EEA1: variants seen among roughly 807,000 people sequenced by gnomAD.
EEA1 encodes the protein early endosome antigen 1, 162kD.
A neutral mutation model predicts 209.2 loss-of-function variants in EEA1; 111 were observed. The ratio of observed to expected loss-of-function variants is 0.53; its 90% CI spans 0.45 to 0.62. The LOEUF is 0.62. Among genes scored for constraint, EEA1 ranks in the 20% least tolerant of loss-of-function variants. EEA1 has a pLI of 0.00. For synonymous variants in EEA1, 536 were observed against 540.6 expected, an observed-to-expected ratio of 0.99 and a Z score of 0.12; for missense variants, 1,343 against 1,530.8, an observed-to-expected ratio of 0.88 and a Z score of 2.05.
intron 2 of EEA1, chr12:92,884,645 C>T: frequency 2.2e-6 from 3 of 1,334,956 alleles, no homozygotes; most frequent in Non-Finnish European, 3.2e-6. Flanking sequence ...ACCATGAAAC[C>T]AAGGTGGCTA....
intron 11 of EEA1, among the ~76,000 whole-genome samples, chr12:92,831,304 C>T (rs1876616808): frequency 6.6e-6 from 1 of 151,652 alleles, no homozygotes; most frequent in Admixed American, 6.6e-5. Flanking sequence ...AATTAGAACA[C>T]AGGTATTAAA....
intron 10 of EEA1, among the ~76,000 whole-genome samples, chr12:92,839,607 C>A (rs1207678990): frequency 1.3e-5 from 2 of 152,098 alleles, no homozygotes; most frequent in African/African-American, 4.8e-5. Flanking sequence ...CACAACTATT[C>A]TTGCTGAATT....
chr12:92,822,057 C>A (rs1876079140), intron 13 of EEA1, among the ~76,000 whole-genome samples: 1 of 150,834 alleles, frequency 6.6e-6, no homozygotes, highest in Non-Finnish European at 1.5e-5. Flanking sequence ...TGTATATATA[C>A]CCCACTCCAT....
chr12:92,899,328 A>C (rs936019345), intron 1 of EEA1, among the ~76,000 whole-genome samples: 1 of 152,238 alleles, frequency 6.6e-6, no homozygotes, highest in African/African-American at 2.4e-5. Context: ...ATCAAATCTC[A>C]CTTCAGCCTA....
intron 8 of EEA1, 81 bp from the exon 9 acceptor site, chr12:92,851,347 G>C (rs1877623796): frequency 3.1e-6 from 4 of 1,311,076 alleles, no homozygotes; most frequent in Middle Eastern, 1.9e-4. Flanking sequence ...TCACTACAAA[G>C]GAATCAAAAG....
chr12:92,836,410 C>T (rs1876932906), intron 10 of EEA1, among the ~76,000 whole-genome samples: 1 of 152,104 alleles, frequency 6.6e-6, no homozygotes, highest in African/African-American at 2.4e-5. Flanking sequence ...GACAATTTCC[C>T]TATATTACGC....
At chr12:92,909,048 G>A (rs1327395971) in intron 1 of EEA1, among the ~76,000 whole-genome samples, 1 of 152,168 alleles carries the variant, frequency 6.6e-6, no homozygotes, top group Non-Finnish European at 1.5e-5. Context: ...CCTGACTTGT[G>A]ATCTGCCTGC....
intron 1 of EEA1, among the ~76,000 whole-genome samples, chr12:92,914,362 G>C (rs28804395): frequency 6.9e-4 from 105 of 152,224 alleles, no homozygotes; most frequent in African/African-American, 2.5e-3. Context: ...TTTTATACCA[G>C]TACCATGTTT....
intron 18 of EEA1, among the ~76,000 whole-genome samples, chr12:92,803,781 C>G (rs922791419): frequency 6.6e-6 from 1 of 151,910 alleles, no homozygotes; most frequent in Non-Finnish European, 1.5e-5. Flanking sequence ...TTTAAAGGTC[C>G]AAATGGAAAA....
chr12:92,832,502 C>A lies in EEA1; in HGVS notation c.1254+10G>T. ...GGAGAATTACAATAAATAAAATTAA[C>A]AGCTCTTACTTGATTAATTTCACTT... On this transcript the variant is annotated intron_variant, in intron 11 of 28. Coordinates refer to ENST00000322349, the MANE Select transcript of EEA1 (RefSeq NM_003566.4). 6.3e-7 allele frequency: 1 copy of A among 1,581,474 alleles called. No individual in the cohort carries two copies.
rs773167179 is a variant in EEA1, at chr12:92,827,884, T to C, written c.1404+28A>G. 2.0e-5 allele frequency: 31 copies of C among 1,518,052 alleles called. No individual in the cohort carries two copies. The South Asian group carries it at 3.9e-4, about 19-fold the overall frequency. 94.0% of individuals were successfully genotyped at this position (1,518,052 alleles called of 1,614,324 possible). A position where few individuals can be genotyped will look rare whatever the true frequency, so the allele number is the denominator to read the frequency against. ...AATCATGTTAAAGATGCCTCAAGCCTATCAATAAATTGAAAATGCTAGCTT... is the reference window on the plus strand; with the variant it reads ...AATCATGTTAAAGATGCCTCAAGCCCATCAATAAATTGAAAATGCTAGCTT... On this transcript the variant is annotated intron_variant, in intron 12 of 28. Transcript: ENST00000322349.
chr12:92,859,404 T>C, intron 3 of EEA1: 6 of 616,842 alleles, frequency 9.7e-6, no homozygotes, highest in South Asian at 4.1e-5. Context: ...GTAGTCACTC[T>C]AGTCAATGAC....
intron 1 of EEA1, among the ~76,000 whole-genome samples, chr12:92,913,232 A>G (rs1393426066): frequency 6.6e-6 from 1 of 152,146 alleles, no homozygotes; most frequent in African/African-American, 2.4e-5. Context: ...AATTTTTTGT[A>G]ACAGCCATTC....
intron 1 of EEA1, among the ~76,000 whole-genome samples, chr12:92,898,403 C>T (rs899242341): frequency 3.9e-5 from 6 of 152,060 alleles, no homozygotes; most frequent in African/African-American, 1.4e-4. Context: ...ATGGCTCACG[C>T]CTGTAATCTC....
intron 1 of EEA1, among the ~76,000 whole-genome samples, chr12:92,921,865 T>G (rs1208469519): frequency 2.4e-5 from 1 of 41,410 alleles, no homozygotes; most frequent in Non-Finnish European, 5.1e-5. Context: ...AGACTCTGTC[T>G]CAAAAAAAAA....
intron 20 of EEA1, among the ~76,000 whole-genome samples, chr12:92,799,945 C>T (rs1463576631): frequency 6.6e-6 from 1 of 151,966 alleles, no homozygotes. Flanking sequence ...TTACACTGCA[C>T]AGGCCAGGTG....
At chr12:92,913,907 C>T (rs746138542) in intron 1 of EEA1, among the ~76,000 whole-genome samples, 28 of 152,068 alleles carry the variant, frequency 1.8e-4, no homozygotes, top group Non-Finnish European at 3.2e-4. Flanking sequence ...GTGATCCGCC[C>T]GCCTAGGCCT....
In EEA1 at chr12:92,826,237, T is replaced by C; in HGVS notation, c.1453A>G (p.Lys485Glu). 6.2e-7 allele frequency: 1 copy of C among 1,613,636 alleles called. No homozygotes were observed. The highest frequency in any genetic ancestry group is 1.1e-5 in the South Asian group (1 of 91,072). Residue 485 changes from lysine to glutamate, a missense_variant, in exon 13 of 29, where the codon AAA becomes GAA. Physicochemically the swap from Lys to Glu is moderately conservative, Grantham distance 56 (BLOSUM62 1). Transcript: ENST00000322349. Reference protein sequence around the residue: ...NSTELQHQLDKTKQQHQEQQA... With the variant: ...NSTELQHQLDETKQQHQEQQA... ...TGTTCTTGATGCTGTTGCTTTGTTTTATCTAATTGATGCTGCAATTCTGTA... is the reference window on the plus strand; with the variant it reads ...TGTTCTTGATGCTGTTGCTTTGTTTCATCTAATTGATGCTGCAATTCTGTA...
chr12:92,831,570 T>A (rs1439883287), intron 11 of EEA1, among the ~76,000 whole-genome samples: 1 of 145,924 alleles, frequency 6.9e-6, no homozygotes, highest in East Asian at 1.9e-4. Flanking sequence ...ATTGTGTGTA[T>A]ATATACTATA....
Sources: allele counts gnomAD v4.1 joint callset (sites outside exome capture counted in the v4.1 genomes callset), GRCh38; gene constraint gnomAD v4.1.1; transcripts MANE v1.5; gene names NCBI Gene and HGNC (gene_info 2026-07-23, HGNC 2026-07-21).